The following IL1RAPL2 variants were observed in gnomAD, a reference collection of about 807,000 sequenced individuals.
IL1RAPL2 encodes the protein interleukin 1 receptor accessory protein like 2.
A neutral mutation model predicts 44.1 loss-of-function variants in IL1RAPL2; 3 were observed. That is an observed-to-expected ratio of 0.07 (90% CI 0.03 to 0.18). The LOEUF (loss-of-function observed/expected upper bound fraction) is 0.18, where lower values mean the gene tolerates loss of function less well. Ranked by LOEUF, IL1RAPL2 falls within the 10% of genes least tolerant of loss-of-function variation. IL1RAPL2 has a pLI of 1.00. For synonymous variants in IL1RAPL2, 181 were observed against 178.8 expected, an observed-to-expected ratio of 1.01 and a Z score of -0.10; for missense variants, 391 against 496.4, an observed-to-expected ratio of 0.79 and a Z score of 2.02.
At chrX:105,347,071 A>T (rs1476238945) in intron 5 of IL1RAPL2, among the ~76,000 whole-genome samples, 1 of 111,906 alleles carries the variant, frequency 8.9e-6, no homozygotes. Context: ...GTGTTGAGTG[A>T]TGTACAATCT....
At chrX:104,764,751 G>T (rs1932528977) in intron 2 of IL1RAPL2, among the ~76,000 whole-genome samples, 1 of 111,755 alleles carries the variant, frequency 8.9e-6, no homozygotes, top group Non-Finnish European at 1.9e-5. Flanking sequence ...TTTTTTGGGG[G>T]TTTTTATCAT....
At chrX:104,914,268 G>A (rs1391170519) in intron 2 of IL1RAPL2, among the ~76,000 whole-genome samples, 2 of 111,808 alleles carry the variant, frequency 1.8e-5, no homozygotes, top group African/African-American at 6.5e-5. Context: ...AATTACTTAG[G>A]AGCAGGTTTG....
chrX:105,193,737 C>G (rs1483449695), intron 2 of IL1RAPL2, among the ~76,000 whole-genome samples: 1 of 112,093 alleles, frequency 8.9e-6, no homozygotes, highest in Non-Finnish European at 1.9e-5. Flanking sequence ...ACCACTGTAC[C>G]TTCTTAGCTT....
intron 2 of IL1RAPL2, among the ~76,000 whole-genome samples, chrX:105,062,052 C>T (rs1219970798): frequency 1.8e-5 from 2 of 111,543 alleles, no homozygotes; most frequent in East Asian, 5.6e-4. Context: ...TAAGGACTTA[C>T]TCCTGCTATT....
At chrX:105,488,849 C>T in intron 6 of IL1RAPL2, among the ~76,000 whole-genome samples, 1 of 111,765 alleles carries the variant, frequency 8.9e-6, no homozygotes, top group Non-Finnish European at 1.9e-5. Flanking sequence ...ACTTTTCATG[C>T]ATGGAGTTGG....
chrX:104,751,775 A>G (rs773015134), intron 2 of IL1RAPL2, among the ~76,000 whole-genome samples: 29 of 111,407 alleles, frequency 2.6e-4, no homozygotes, highest in African/African-American at 9.4e-4. Context: ...AAGGAGCATA[A>G]GATATATTAT....
At chrX:104,756,447 G>A (rs1932340782) in intron 2 of IL1RAPL2, among the ~76,000 whole-genome samples, 1 of 111,262 alleles carries the variant, frequency 9.0e-6, no homozygotes, top group African/African-American at 3.3e-5. Context: ...CATTTTAATA[G>A]CCATAGGGAG....
intron 7 of IL1RAPL2, among the ~76,000 whole-genome samples, chrX:105,737,783 C>T (rs1190883501): frequency 9.0e-6 from 1 of 111,252 alleles, no homozygotes; most frequent in Non-Finnish European, 1.9e-5. Context: ...GTGTTGTTTA[C>T]CAACATCAGG....
chrX:104,901,679 G>C (rs1187387682), intron 2 of IL1RAPL2, among the ~76,000 whole-genome samples: 3 of 111,045 alleles, frequency 2.7e-5, no homozygotes, highest in Non-Finnish European at 5.7e-5. Flanking sequence ...AAACATAGAG[G>C]GGGGACATTG....
chrX:105,067,621 T>C (rs2032153824), intron 2 of IL1RAPL2, among the ~76,000 whole-genome samples: 1 of 111,990 alleles, frequency 8.9e-6, no homozygotes, highest in African/African-American at 3.3e-5. Flanking sequence ...TAATCTTCTA[T>C]CTTAAGTAAA....
chrX:104,580,123 A>G (rs778471616), intron 1 of IL1RAPL2, among the ~76,000 whole-genome samples: 1 of 111,800 alleles, frequency 8.9e-6, no homozygotes, highest in Non-Finnish European at 1.9e-5. Flanking sequence ...ACCTCTCACT[A>G]TATTCAGGAT....
intron 4 of IL1RAPL2, among the ~76,000 whole-genome samples, chrX:105,258,685 GTTCTGAGATTCT>G (rs2034334119): frequency 8.9e-6 from 1 of 111,767 alleles, no homozygotes; most frequent in Admixed American, 9.5e-5. Flanking sequence ...CAGTCTTCAA[GTTCTGAGATTCT>G]TTCCTCAGCT....
chrX:104,918,844 T>C (rs776593009), intron 2 of IL1RAPL2, among the ~76,000 whole-genome samples: 20 of 112,176 alleles, frequency 1.8e-4, no homozygotes, highest in Non-Finnish European at 3.6e-4. Flanking sequence ...TAATTTTTAT[T>C]GTTTCTCAAA....
chrX:104,693,007 T>C (rs1404899715), intron 2 of IL1RAPL2, among the ~76,000 whole-genome samples: 2 of 111,608 alleles, frequency 1.8e-5, no homozygotes, highest in African/African-American at 6.5e-5. Flanking sequence ...CCAGCACCTG[T>C]TGTTTTCTGA....
At chrX:104,610,205 C>T (rs1424506192) in intron 1 of IL1RAPL2, among the ~76,000 whole-genome samples, 3 of 111,006 alleles carry the variant, frequency 2.7e-5, no homozygotes, top group African/African-American at 9.8e-5. Flanking sequence ...GGAAGCATTC[C>T]CTTTGAAAAT....
intron 5 of IL1RAPL2, among the ~76,000 whole-genome samples, chrX:105,444,946 T>C (rs2035944744): frequency 8.9e-6 from 1 of 112,131 alleles, no homozygotes; most frequent in Non-Finnish European, 1.9e-5. Flanking sequence ...TCCTCTATTA[T>C]TTGGAATAGT....
intron 2 of IL1RAPL2, among the ~76,000 whole-genome samples, chrX:104,829,441 C>T (rs761721923): frequency 8.9e-6 from 1 of 111,806 alleles, no homozygotes; most frequent in African/African-American, 3.3e-5. Context: ...TGCTTCTGCT[C>T]GCTCTCCATG....
At chrX:105,193,336 G>C in intron 2 of IL1RAPL2, among the ~76,000 whole-genome samples, 1 of 111,147 alleles carries the variant, frequency 9.0e-6, no homozygotes, top group Non-Finnish European at 1.9e-5. Flanking sequence ...TGAAATAATA[G>C]TTTAAAAAAA....
At chrX:105,030,826 C>G (rs992069158) in intron 2 of IL1RAPL2, among the ~76,000 whole-genome samples, 50 of 111,774 alleles carry the variant, frequency 4.5e-4, no homozygotes, top group African/African-American at 1.6e-3. Flanking sequence ...CTATAAATTA[C>G]CTTGGGCAGT....
Sources: allele counts gnomAD v4.1 joint callset (sites outside exome capture counted in the v4.1 genomes callset), GRCh38; gene constraint gnomAD v4.1.1; transcripts MANE v1.5; gene names NCBI Gene and HGNC (gene_info 2026-07-23, HGNC 2026-07-21).